USP9X: variants seen among roughly 807,000 people sequenced by gnomAD.
USP9X encodes the protein ubiquitin carboxyl-terminal hydrolase 9X.
USP9X carries 7 observed loss-of-function variants against 190.3 expected under a neutral mutation model. The observed-to-expected ratio is 0.04, with a 90% CI of 0.02 to 0.07. USP9X has a LOEUF of 0.07. Ranked by LOEUF, USP9X falls within the 10% of genes least tolerant of loss-of-function variation. USP9X has a pLI of 1.00. For synonymous variants in USP9X, 645 were observed against 659.5 expected (o/e 0.98, Z 0.34); for missense variants, 1,010 against 1,916.9 (o/e 0.53, Z 8.83).
intron 4 of USP9X, among the ~76,000 whole-genome samples, chrX:41,134,505 G>C (rs748228126): frequency 9.8e-5 from 11 of 112,443 alleles, no homozygotes; most frequent in East Asian, 2.8e-4. Context: ...TCTTCTTGTG[G>C]TGCTGCTGAT....
Position 41,224,927 on chromosome X carries a change from T to C in USP9X, c.6937T>C (p.Phe2313Leu), listed in dbSNP as rs778609510. 1.7e-6 allele frequency: 2 copies of C among 1,210,778 alleles called. No individual in the cohort carries two copies. Among genetic ancestry groups the C allele is most frequent in the African/African-American group, 3.5e-5 (2 of 57,430 alleles). The change falls in exon 40 of 45, where the codon TTC becomes CTC. Residue 2313 changes from phenylalanine to leucine, a missense_variant. Physicochemically the swap from Phe to Leu is conservative, Grantham distance 22. Around this residue, in one of 11 missense-constraint regions of USP9X, gnomAD observed 121 missense variants for 281.2 expected, o/e 0.43. Transcript: ENST00000378308. Reference protein sequence around the residue: ...LRFCCWENPQFSSTVLSELLW... With the variant: ...LRFCCWENPQLSSTVLSELLW... ...TTTTTGCTGCTGGGAGAATCCTCAG[T>C]TCTCATCTACTGTCCTCAGTGAACT...
At chrX:41,202,327 C>T (rs962950322) in intron 31 of USP9X, among the ~76,000 whole-genome samples, 3 of 111,772 alleles carry the variant, frequency 2.7e-5, no homozygotes, top group African/African-American at 9.8e-5. Context: ...GTTGTAGTGG[C>T]GAATCAGAAT....
rs749180766 is a variant in USP9X at position 41,189,619 on chromosome X, G to A, written c.3977+144G>A. The A allele has an allele frequency of 9.6e-5, 48 of 502,036 alleles. No homozygotes were observed. The East Asian group carries it at 1.5e-3, about 15-fold the overall frequency. The allele number at this position is 502,036 out of a possible 1,213,427, so 41.4% of individuals were successfully genotyped here. ...GAGGAAAATTTTATTATTTAAGAGT[G>A]TTTTGCTTAACCTAAATGTTTGGTT... is the stretch of plus-strand genomic sequence containing the variant. On this transcript the variant is annotated intron_variant, in intron 26 of 44. Transcript: ENST00000378308.
At position 41,139,422 on chromosome X, in the gene USP9X, AG is replaced by A. The variant is rs1469473921; in HGVS notation, c.655-1232del. Among the ~76,000 whole-genome samples the A allele has an allele frequency of 2.7e-5, 3 of 112,548 alleles. No homozygotes were observed. In the Admixed American group the frequency reaches 2.8e-4, roughly 11 times the overall value. On this transcript the variant is annotated intron_variant, in intron 6 of 44. Coordinates refer to ENST00000378308, the MANE Select transcript of USP9X (RefSeq NM_001039591.3). ...ACGCCTGTAATCCTAGCACTTTGGGAGGCCAAGACGGGTGGATCACCTGAAG... is the reference window on the plus strand; with the variant it reads ...ACGCCTGTAATCCTAGCACTTTGGGAGCCAAGACGGGTGGATCACCTGAAG...
At chrX:41,190,658 A>T (rs1400951343) in intron 26 of USP9X, among the ~76,000 whole-genome samples, 1 of 111,968 alleles carries the variant, frequency 8.9e-6, no homozygotes, top group Non-Finnish European at 1.9e-5. Flanking sequence ...TTGAATTTTT[A>T]AAATCTTAAA....
intron 6 of USP9X, among the ~76,000 whole-genome samples, chrX:41,138,146 G>T (rs2062391735): frequency 9.0e-6 from 1 of 111,565 alleles, no homozygotes; most frequent in Non-Finnish European, 1.9e-5. Context: ...ATTCTATGGA[G>T]TTACCTTCAC....
intron 1 of USP9X, among the ~76,000 whole-genome samples, chrX:41,112,064 C>T (rs1213307617): frequency 2.7e-5 from 3 of 111,436 alleles, no homozygotes; most frequent in African/African-American, 9.8e-5. Flanking sequence ...AGGCTGGTCT[C>T]GAACTCCCGA....
chrX:41,179,611 AAC>A (rs1488830388), intron 21 of USP9X, among the ~76,000 whole-genome samples: 1 of 112,193 alleles, frequency 8.9e-6, no homozygotes, highest in Non-Finnish European at 1.9e-5. Flanking sequence ...GCAGTTAACT[AAC>A]ACAGGTTCAC....
intron 16 of USP9X, 111 bp from the exon 17 acceptor site, chrX:41,167,371 A>G (rs1294301346): frequency 7.3e-6 from 4 of 544,746 alleles, no homozygotes; most frequent in Non-Finnish European, 1.2e-5. Context: ...TCAACTTACC[A>G]TTAAATCATT....
At chrX:41,095,446 A>T (rs770863072) in intron 1 of USP9X, among the ~76,000 whole-genome samples, 1 of 112,401 alleles carries the variant, frequency 8.9e-6, no homozygotes, top group Non-Finnish European at 1.9e-5. Context: ...GCTTCTACCC[A>T]CAAGATGCCA....
chrX:41,085,565 G>A lies in USP9X; in HGVS notation c.-703G>A. 4.0e-6 allele frequency: 1 copy of A among 248,864 alleles called. No homozygotes were observed. The highest frequency in any genetic ancestry group is 5.9e-5 in the East Asian group (1 of 16,807). The allele number at this position is 248,864 out of a possible 1,213,427, so 20.5% of individuals were successfully genotyped here. On this transcript the variant is annotated 5_prime_UTR_variant, in exon 1 of 45. Coordinates refer to ENST00000378308, the MANE Select transcript of USP9X (RefSeq NM_001039591.3). ...CCCGTCAGGGCCTCTGTCGCGCCTA[G>A]CCCCTCCCCGCCTTACACAGCTCCC...
At position 41,088,844 on chromosome X, in the gene USP9X, C is replaced by G. The variant is rs772038123; in HGVS notation, c.-159+2735C>G. 3.6e-5 allele frequency among the ~76,000 whole-genome samples: 4 copies of G among 110,568 alleles called. No homozygotes were observed. The South Asian group carries it at 1.5e-3, about 42-fold the overall frequency. On this transcript the variant is annotated intron_variant, in intron 1 of 44. Coordinates refer to ENST00000378308, the MANE Select transcript of USP9X (RefSeq NM_001039591.3). ...TAGGAGCTGTGTTTTTGAAAGCCAT[C>G]CTGTGTATTGCTAAGTTCTTGTATT...
chrX:41,126,621 G>A (rs2146999274), intron 2 of USP9X, among the ~76,000 whole-genome samples: 1 of 111,632 alleles, frequency 9.0e-6, no homozygotes, highest in East Asian at 2.8e-4. Flanking sequence ...TGTCTACATT[G>A]TGTTCTTTTT....
chrX:41,096,201 C>G (rs930066782), intron 1 of USP9X, among the ~76,000 whole-genome samples: 1 of 112,592 alleles, frequency 8.9e-6, no homozygotes, highest in African/African-American at 3.2e-5. Flanking sequence ...TCTTCCCCCC[C>G]GCTCCCCGCA....
At chrX:41,215,032 A>ACC (rs903387606) in intron 34 of USP9X, among the ~76,000 whole-genome samples, 1 of 111,781 alleles carries the variant, frequency 8.9e-6, no homozygotes, top group African/African-American at 3.3e-5. Context: ...TTGCCATTGA[A>ACC]CCCCTCAAAG....
intron 32 of USP9X, 99 bp from the exon 33 acceptor site, chrX:41,210,410 T>G: frequency 1.1e-6 from 1 of 896,417 alleles, no homozygotes; most frequent in Non-Finnish European, 1.6e-6. Context: ...TATACTGTTG[T>G]TTGTGGTCTT....
intron 25 of USP9X, 96 bp downstream of exon 25, chrX:41,188,213 G>T: frequency 1.2e-6 from 1 of 859,583 alleles, no homozygotes; most frequent in South Asian, 3.5e-5. Flanking sequence ...TTTAAAAATT[G>T]AATCACTTGC....
intron 18 of USP9X, among the ~76,000 whole-genome samples, chrX:41,168,537 T>G (rs1038409690): frequency 8.9e-6 from 1 of 112,378 alleles, no homozygotes; most frequent in African/African-American, 3.2e-5. Context: ...GAAAAGGTCT[T>G]ATTCTGTCAC....
intron 21 of USP9X, among the ~76,000 whole-genome samples, chrX:41,178,172 C>T (rs1164319226): frequency 1.1e-5 from 1 of 88,253 alleles, no homozygotes; most frequent in Non-Finnish European, 2.1e-5. Context: ...GTGATTTCGG[C>T]TCACTGCACC....
Sources: gnomAD v4.1 joint callset for allele counts (sites outside exome capture counted in the v4.1 genomes callset) on GRCh38, gnomAD v4.1.1 for gene constraint, gnomAD v4.1.1 regional missense constraint, MANE v1.5 for transcripts, NCBI Gene and HGNC (gene_info 2026-07-23, HGNC 2026-07-21) for gene names.